ZBTB20: variants seen among roughly 807,000 people sequenced by gnomAD.
The protein encoded by ZBTB20 is zinc finger and BTB domain-containing protein 20.
A neutral mutation model predicts 56.9 loss-of-function variants in ZBTB20; 9 were observed. The ratio of observed to expected loss-of-function variants is 0.16; its 90% CI spans 0.10 to 0.28. ZBTB20 has a LOEUF of 0.28. ZBTB20 is among the 10% of genes least tolerant of loss of function. The pLI is 1.00. For missense variants in ZBTB20, 655 were observed against 1,003.0 expected, an observed-to-expected ratio of 0.65 and a Z score of 4.69; for synonymous variants, 417 against 420.7, an observed-to-expected ratio of 0.99 and a Z score of 0.11.
intron 10 of ZBTB20, among the ~76,000 whole-genome samples, chr3:114,371,140 A>G (rs1487616531): frequency 6.6e-6 from 1 of 152,216 alleles, no homozygotes; most frequent in East Asian, 1.9e-4. Context: ...CAGCTCTGCA[A>G]CAGAGGTGCA....
intron 10 of ZBTB20, among the ~76,000 whole-genome samples, chr3:114,362,712 A>G (rs2082017526): frequency 6.6e-6 from 1 of 152,174 alleles, no homozygotes; most frequent in African/African-American, 2.4e-5. Context: ...CCAGAGAGAC[A>G]GCTCACTGGG....
chr3:114,374,800 C>G (rs560818629), intron 10 of ZBTB20, among the ~76,000 whole-genome samples: 1 of 152,126 alleles, frequency 6.6e-6, no homozygotes. Flanking sequence ...TTTTGGCACA[C>G]CAAACAGAGA....
chr3:114,457,736 G>C lies in ZBTB20; in HGVS notation c.-255+42616C>G, dbSNP rs1038651972. The stretch of plus-strand genomic sequence containing the variant: ...TATGAATGAGGTACTACCAATATCC[G>C]CATTTCATAGAAAAGAAAACTGAGG... On this transcript the variant is annotated intron_variant, in intron 7 of 11. Transcript: ENST00000675478. Among the ~76,000 whole-genome samples, 9 of 152,126 alleles carry C rather than the reference G, an allele frequency of 5.9e-5. No homozygotes were observed. In the East Asian group the frequency reaches 1.5e-3, roughly 26 times the overall value.
At chr3:114,509,589 T>A (rs1432169526) in intron 6 of ZBTB20, among the ~76,000 whole-genome samples, 17 of 152,154 alleles carry the variant, frequency 1.1e-4, no homozygotes. Context: ...GCACACATCA[T>A]ACGTGCACAC....
chr3:114,752,490 T>C (rs1292666458), intron 5 of ZBTB20, among the ~76,000 whole-genome samples: 1 of 152,172 alleles, frequency 6.6e-6, no homozygotes, highest in African/African-American at 2.4e-5. Context: ...ACATAATACA[T>C]GCTCAAAAAA....
chr3:114,813,549 G>A (rs1199873959), intron 4 of ZBTB20, among the ~76,000 whole-genome samples: 2 of 152,136 alleles, frequency 1.3e-5, no homozygotes, highest in African/African-American at 4.8e-5. Flanking sequence ...CCAGGAGTTT[G>A]AGACCAGCCT....
rs747213591 is a variant in ZBTB20 at position 114,335,837 on chromosome 3, T to C, written c.*3168A>G. ...TCCCTTTTTTTTAAGAGACACTTCC[T>C]TTACAGGGAAAGGATGATAGACTCC... On this transcript the variant is annotated 3_prime_UTR_variant, in exon 12 of 12. Coordinates refer to ENST00000675478, the MANE Select transcript of ZBTB20 (RefSeq NM_001348800.3). 6.6e-6 allele frequency: 1 copy of C among 152,132 alleles called. No individual in the cohort carries two copies. The highest frequency in any genetic ancestry group is 2.4e-5 in the African/African-American group (1 of 41,412). 9.4% of individuals were successfully genotyped at this position (152,132 alleles called of 1,614,324 possible).
At chr3:115,110,348 G>A (rs898104391) in intron 1 of ZBTB20, among the ~76,000 whole-genome samples, 3 of 152,300 alleles carry the variant, frequency 2.0e-5, no homozygotes, top group Middle Eastern at 3.4e-3. Context: ...ATTCAAAATA[G>A]GTAGAAATGG....
At chr3:114,970,907 T>C (rs2077852563) in intron 3 of ZBTB20, among the ~76,000 whole-genome samples, 3 of 151,838 alleles carry the variant, frequency 2.0e-5, no homozygotes, top group Admixed American at 6.5e-5. Flanking sequence ...CCCAGCTACT[T>C]GGGAGGCTAA....
intron 5 of ZBTB20, among the ~76,000 whole-genome samples, chr3:114,768,235 C>G (rs1183020179): frequency 6.6e-6 from 1 of 151,962 alleles, no homozygotes; most frequent in Admixed American, 6.6e-5. Context: ...GGATCTGGCT[C>G]TTCATTGTTC....
intron 6 of ZBTB20, among the ~76,000 whole-genome samples, chr3:114,645,562 A>C (rs772113792): frequency 2.0e-5 from 3 of 152,136 alleles, no homozygotes; most frequent in Non-Finnish European, 2.9e-5. Context: ...GGGTGGCATC[A>C]GTTTACAATG....
chr3:114,402,640 T>A (rs1188785705), intron 7 of ZBTB20, among the ~76,000 whole-genome samples: 1 of 152,192 alleles, frequency 6.6e-6, no homozygotes, highest in East Asian at 1.9e-4. Flanking sequence ...AGGTGGAACA[T>A]GGCTGTTGGG....
chr3:114,441,421 A>T (rs571204901), intron 7 of ZBTB20, among the ~76,000 whole-genome samples: 1 of 152,140 alleles, frequency 6.6e-6, no homozygotes, highest in African/African-American at 2.4e-5. Context: ...AATGTTTGCT[A>T]TGTGAAACTG....
At chr3:114,982,078 C>T (rs2078353551) in intron 2 of ZBTB20, among the ~76,000 whole-genome samples, 1 of 151,934 alleles carries the variant, frequency 6.6e-6, no homozygotes, top group Non-Finnish European at 1.5e-5. Context: ...TAAGGTACCA[C>T]CAGCTAGTAA....
intron 4 of ZBTB20, among the ~76,000 whole-genome samples, chr3:114,856,371 C>A (rs1301074422): frequency 6.6e-6 from 1 of 152,026 alleles, no homozygotes; most frequent in African/African-American, 2.4e-5. Context: ...TCCCAAGAGG[C>A]AAATACCCCT....
chr3:115,015,340 G>A (rs2079904424), intron 2 of ZBTB20, among the ~76,000 whole-genome samples: 1 of 151,756 alleles, frequency 6.6e-6, no homozygotes, highest in Non-Finnish European at 1.5e-5. Flanking sequence ...CAGGGTACAT[G>A]TGCAGGATGT....
chr3:114,839,467 G>GAAAGAAAA (rs1420146858), intron 4 of ZBTB20, among the ~76,000 whole-genome samples: 4 of 150,240 alleles, frequency 2.7e-5, no homozygotes, highest in Admixed American at 6.7e-5. Flanking sequence ...AAGAAAGAAA[G>GAAAGAAAA]AGAGAGAGAA....
At chr3:114,843,847 T>A (rs1203093008) in intron 4 of ZBTB20, among the ~76,000 whole-genome samples, 5 of 150,214 alleles carry the variant, frequency 3.3e-5, no homozygotes, top group African/African-American at 1.2e-4. Flanking sequence ...CGGCTAATTT[T>A]TTTTTTTTTT....
chr3:114,756,171 CA>C (rs886863222), intron 5 of ZBTB20, among the ~76,000 whole-genome samples: 2 of 151,958 alleles, frequency 1.3e-5, no homozygotes, highest in African/African-American at 4.8e-5. Context: ...ATAAACAAAA[CA>C]AAAACATATG....
Sources: allele counts gnomAD v4.1 joint callset (sites outside exome capture counted in the v4.1 genomes callset), GRCh38; gene constraint gnomAD v4.1.1; transcripts MANE v1.5; gene names NCBI Gene and HGNC (gene_info 2026-07-23, HGNC 2026-07-21).